CACNB2: variants seen among roughly 807,000 people sequenced by gnomAD.
CACNB2 encodes the protein calcium voltage-gated channel auxiliary subunit beta 2, also known as voltage-dependent L-type calcium channel subunit beta-2.
A neutral mutation model predicts 73.3 loss-of-function variants in CACNB2; 42 were observed. The observed-to-expected ratio is 0.57, with a 90% confidence interval of 0.45 to 0.74. The LOEUF is 0.74. CACNB2 is among the 30% of genes least tolerant of loss of function. CACNB2 has a pLI of 0.00. For missense variants in CACNB2, 940 were observed against 853.0 expected (o/e 1.10, Z -1.27); for synonymous variants, 348 against 310.3 (o/e 1.12, Z -1.28).
At chr10:18,413,920 T>C (rs1178520550) in intron 3 of CACNB2, among the ~76,000 whole-genome samples, 3 of 152,222 alleles carry the variant, frequency 2.0e-5, no homozygotes, top group African/African-American at 7.2e-5. Flanking sequence ...CGTGGAGCAG[T>C]TCAGGGTGTT....
At chr10:18,183,032 T>G (rs1624525) in intron 2 of CACNB2, among the ~76,000 whole-genome samples, 88,913 of 151,600 alleles carry the variant, frequency 0.59, 26,687 homozygotes, top group Non-Finnish European at 0.65. Context: ...CAGAGGGGCA[T>G]TGTGGTTGAG....
At chr10:18,410,513 A>G (rs911221698) in intron 3 of CACNB2, among the ~76,000 whole-genome samples, 1 of 152,150 alleles carries the variant, frequency 6.6e-6, no homozygotes, top group Non-Finnish European at 1.5e-5. Context: ...TTATTTCAAA[A>G]AAATATTAAA....
chr10:18,368,325 T>C (rs1014771875), intron 2 of CACNB2, among the ~76,000 whole-genome samples: 8 of 152,158 alleles, frequency 5.3e-5, no homozygotes, highest in African/African-American at 1.9e-4. Context: ...GGAAAAAAAC[T>C]TTCAAAAGAG....
chr10:18,539,733 C>A lies in CACNB2; in HGVS notation c.*9C>A. 6.4e-7 allele frequency: 1 copy of A among 1,563,870 alleles called. No homozygotes were observed. The highest frequency in any genetic ancestry group is 8.6e-7 in the Non-Finnish European group (1 of 1,167,412). ...TTTACATCCGCCAATGAGTTTTGCC[C>A]GTTTGTGTTTTTTTTTTTTTTTTTT... On this transcript the variant is annotated 3_prime_UTR_variant, in exon 14 of 14. Coordinates refer to ENST00000324631, the MANE Select transcript of CACNB2 (RefSeq NM_201596.3).
At chr10:18,150,855 CT>C (rs71402148) in intron 1 of CACNB2, 27 bp from the exon 2 acceptor site, 48,300 of 475,792 alleles carry the variant, frequency 0.1, 14 homozygotes, top group East Asian at 0.12. Context: ...TCTTATTTGT[CT>C]TTTTTTTTTT....
chr10:18,362,350 T>C (rs950429962), intron 2 of CACNB2, among the ~76,000 whole-genome samples: 19 of 152,346 alleles, frequency 1.2e-4, no homozygotes, highest in African/African-American at 4.6e-4. Context: ...GATCCTCTCT[T>C]CAAAATGTTT....
At chr10:18,380,508 G>A (rs531845389) in intron 2 of CACNB2, among the ~76,000 whole-genome samples, 1 of 139,706 alleles carries the variant, frequency 7.2e-6, no homozygotes, top group Non-Finnish European at 1.5e-5. Context: ...AGGCTGGAGT[G>A]CAATGGTGCA....
intron 2 of CACNB2, among the ~76,000 whole-genome samples, chr10:18,343,685 G>A (rs540451095): frequency 6.6e-6 from 1 of 152,284 alleles, no homozygotes; most frequent in East Asian, 1.9e-4. Flanking sequence ...CTTCTGATAG[G>A]CAGCAAAGGA....
chr10:18,312,353 T>C (rs2039993734), intron 2 of CACNB2, among the ~76,000 whole-genome samples: 4 of 152,186 alleles, frequency 2.6e-5, no homozygotes, highest in Admixed American at 1.3e-4. Flanking sequence ...CTCCTTTACA[T>C]AAAAAAATAT....
At chr10:18,283,678 G>T (rs1221880044) in intron 2 of CACNB2, among the ~76,000 whole-genome samples, 1 of 137,108 alleles carries the variant, frequency 7.3e-6, no homozygotes, top group Non-Finnish European at 1.5e-5. Flanking sequence ...ATGAGTTTGG[G>T]GGAGGGGGGA....
chr10:18,184,928 C>A (rs1434634938), intron 2 of CACNB2, among the ~76,000 whole-genome samples: 1 of 152,104 alleles, frequency 6.6e-6, no homozygotes, highest in Admixed American at 6.6e-5. Flanking sequence ...CAGCTTCAAC[C>A]TCCCAGGCTC....
chr10:18,204,360 A>G (rs1252465009), intron 2 of CACNB2, among the ~76,000 whole-genome samples: 1 of 152,230 alleles, frequency 6.6e-6, no homozygotes, highest in Non-Finnish European at 1.5e-5. Flanking sequence ...CATCACCACT[A>G]AACACCCGTT....
chr10:18,248,022 A>G (rs1177303676), intron 2 of CACNB2, among the ~76,000 whole-genome samples: 1 of 151,982 alleles, frequency 6.6e-6, no homozygotes, highest in Non-Finnish European at 1.5e-5. Context: ...TGACCTAATC[A>G]CCTCCCAAAG....
chr10:18,403,372 G>A (rs934503527), intron 3 of CACNB2, among the ~76,000 whole-genome samples: 2 of 152,214 alleles, frequency 1.3e-5, no homozygotes, highest in East Asian at 1.9e-4. Flanking sequence ...GCAGCTGAGA[G>A]TCTGAATTCT....
Position 18,140,661 on chromosome 10 carries a change from G to A in CACNB2, c.-76G>A. ...GGCGGCCCCCAGAGCCGATCAGAGC[G>A]CGGGGAGGCGGGGGCGAGGAGGAGG... On this transcript the variant is annotated 5_prime_UTR_variant, in exon 1 of 14. Coordinates refer to ENST00000324631, the MANE Select transcript of CACNB2 (RefSeq NM_201596.3). 7.6e-7 allele frequency: 1 copy of A among 1,321,704 alleles called. No individual in the cohort carries two copies. The highest frequency in any genetic ancestry group is 1.3e-5 in the South Asian group (1 of 79,044). 81.9% of individuals were successfully genotyped at this position (1,321,704 alleles called of 1,614,324 possible).
chr10:18,412,216 A>G (rs1350388060), intron 3 of CACNB2, among the ~76,000 whole-genome samples: 1 of 152,216 alleles, frequency 6.6e-6, no homozygotes, highest in Admixed American at 6.5e-5. Flanking sequence ...CTAATGTCCC[A>G]TTGGCCAAAG....
chr10:18,245,724 C>T (rs186219658), intron 2 of CACNB2, among the ~76,000 whole-genome samples: 9 of 152,166 alleles, frequency 5.9e-5, no homozygotes, highest in South Asian at 2.1e-4. Context: ...CACCAAGACA[C>T]GAGAAGGTCA....
chr10:18,150,386 G>C (rs370225763), intron 1 of CACNB2, among the ~76,000 whole-genome samples: 4 of 152,170 alleles, frequency 2.6e-5, no homozygotes, highest in African/African-American at 9.7e-5. Context: ...CTCCTCAGCC[G>C]GGTGCAACGG....
At chr10:18,344,603 C>T (rs1257296318) in intron 2 of CACNB2, among the ~76,000 whole-genome samples, 3 of 152,012 alleles carry the variant, frequency 2.0e-5, no homozygotes, top group African/African-American at 7.2e-5. Context: ...AACTCCTGAC[C>T]TCAGGTGATC....
Sources: gnomAD v4.1 joint callset for allele counts (sites outside exome capture counted in the v4.1 genomes callset) on GRCh38, gnomAD v4.1.1 for gene constraint, MANE v1.5 for transcripts, NCBI Gene and HGNC (gene_info 2026-07-23, HGNC 2026-07-21) for gene names.